The following LRRC28 variants were observed in gnomAD, a reference collection of about 807,000 sequenced individuals.
The protein encoded by LRRC28 is leucine rich repeat containing 28.
Under a neutral mutation model 45.7 loss-of-function variants are expected in LRRC28, and 39 were observed. The observed-to-expected ratio is 0.85, with a 90% confidence interval of 0.66 to 1.12. The LOEUF is 1.12. LRRC28 is among the 50% of genes most tolerant of loss of function. The pLI, the probability that LRRC28 is intolerant of heterozygous loss-of-function variation, is 0.00. For missense variants in LRRC28, 435 were observed against 438.5 expected (o/e 0.99, Z 0.07); for synonymous variants, 206 against 178.8 (o/e 1.15, Z -1.22).
intron 5 of LRRC28, among the ~76,000 whole-genome samples, chr15:99,289,615 A>C (rs2082054376): frequency 6.6e-6 from 1 of 152,224 alleles, no homozygotes; most frequent in Non-Finnish European, 1.5e-5. Flanking sequence ...TCTGGCCTTA[A>C]TATATAGATT....
At chr15:99,359,258 C>T (rs1957132993) in intron 7 of LRRC28, among the ~76,000 whole-genome samples, 1 of 152,022 alleles carries the variant, frequency 6.6e-6, no homozygotes, top group African/African-American at 2.4e-5. Flanking sequence ...GAACCATATG[C>T]AAAGTTAAAA....
At chr15:99,307,192 C>G (rs1955216211) in intron 5 of LRRC28, among the ~76,000 whole-genome samples, 1 of 152,138 alleles carries the variant, frequency 6.6e-6, no homozygotes, top group South Asian at 2.1e-4. Context: ...ATGAAGAATT[C>G]TAATACTTGG....
chr15:99,258,389 G>T, intron 2 of LRRC28: 1 of 1,059,972 alleles, frequency 9.4e-7, no homozygotes. Flanking sequence ...AAAAGCATTT[G>T]ATTACCTTGC....
intron 9 of LRRC28, among the ~76,000 whole-genome samples, chr15:99,371,253 G>T (rs1957476959): frequency 6.6e-6 from 1 of 152,184 alleles, no homozygotes; most frequent in South Asian, 2.1e-4. Flanking sequence ...TGCCAGCCGG[G>T]TGCTGTGGTA....
intron 6 of LRRC28, among the ~76,000 whole-genome samples, chr15:99,349,948 A>G (rs1364259088): frequency 1.3e-5 from 2 of 151,574 alleles, no homozygotes; most frequent in African/African-American, 4.9e-5. Context: ...CATCCTGGCT[A>G]ACAAGGTGAA....
intron 5 of LRRC28, among the ~76,000 whole-genome samples, chr15:99,333,137 G>C (rs1290427195): frequency 6.6e-6 from 1 of 152,134 alleles, no homozygotes; most frequent in Non-Finnish European, 1.5e-5. Context: ...TCCCTGAGAA[G>C]GACTAAGTTC....
In LRRC28 at chr15:99,363,152, G is replaced by C. The variant is rs1246312828; in HGVS notation, c.918G>C (p.Glu306Asp). 1 of 1,613,836 alleles carries C rather than the reference G, an allele frequency of 6.2e-7. No homozygotes were observed. Among genetic ancestry groups the C allele is most frequent in the African/African-American group, 1.3e-5 (1 of 74,922 alleles). ...SPISLPRSLL[E>D]LLHCPLGHCH... ...TCTCATTACCCAGAAGTCTCCTAGAGCTGCTGCACTGCCCTCTGGGGCACT... is the reference window on the plus strand; with the variant it reads ...TCTCATTACCCAGAAGTCTCCTAGACCTGCTGCACTGCCCTCTGGGGCACT... Residue 306 changes from glutamate to aspartate, a missense_variant, in exon 9 of 10, where the codon GAG becomes GAC. Coordinates refer to ENST00000301981, the MANE Select transcript of LRRC28 (RefSeq NM_144598.5).
rs1241332436 is a variant in LRRC28, at chr15:99,389,141, C to G, written c.*3039C>G. On this transcript the variant is annotated 3_prime_UTR_variant, in exon 10 of 10. Transcript: ENST00000301981. ...TGATGAACTTCTTTGTTACCTGACCCTTCTCTTCTGGAAAAGTGAGGTGTA... is the reference window on the plus strand; with the variant it reads ...TGATGAACTTCTTTGTTACCTGACCGTTCTCTTCTGGAAAAGTGAGGTGTA... The G allele has an allele frequency of 6.6e-6, 1 of 152,206 alleles. No homozygotes were observed. Among genetic ancestry groups the G allele is most frequent in the Non-Finnish European group, 1.5e-5 (1 of 68,042 alleles). The allele number at this position is 152,206 out of a possible 1,614,324, so 9.4% of individuals were successfully genotyped here.
chr15:99,368,855 T>C (rs1170701979), intron 9 of LRRC28, among the ~76,000 whole-genome samples: 1 of 152,232 alleles, frequency 6.6e-6, no homozygotes, highest in Non-Finnish European at 1.5e-5. Flanking sequence ...TTCCTTATGC[T>C]TAATAATAAT....
Position 99,251,500 on chromosome 15 carries a change from G to T in LRRC28, c.-102G>T, listed in dbSNP as rs1030166740. On this transcript the variant is annotated 5_prime_UTR_variant, in exon 1 of 10. Coordinates refer to ENST00000301981, the MANE Select transcript of LRRC28 (RefSeq NM_144598.5). ...CCCGCCGTCCCCCGCTTGGCTTCCA[G>T]CGCCGCTTGCGCTCCGGAGCGCTGG... 2.7e-5 allele frequency: 4 copies of T among 150,934 alleles called. No homozygotes were observed. Among genetic ancestry groups the T allele is most frequent in the Non-Finnish European group, 4.4e-5 (3 of 67,740 alleles). 9.3% of individuals were successfully genotyped at this position (150,934 alleles called of 1,614,324 possible). A position where few individuals can be genotyped will look rare whatever the true frequency, so the allele number is the denominator to read the frequency against.
In LRRC28 at chr15:99,256,055, A is replaced by C; in HGVS notation, c.98A>C (p.Glu33Ala). ...NYRNLHHFPLELLKDEGLQYL... is the reference protein window; with the variant it reads ...NYRNLHHFPLALLKDEGLQYL... ...AGGAATCTGCACCATTTTCCATTGG[A>C]GTTACTGAAAGATGAGGGACTGCAG... The change falls in exon 2 of 10, where the codon GAG becomes GCG. Residue 33 changes from glutamate to alanine, a missense_variant. Physicochemically the swap from Glu to Ala is moderately radical, Grantham distance 107. Coordinates refer to ENST00000301981, the MANE Select transcript of LRRC28 (RefSeq NM_144598.5). 1 of 1,613,918 alleles carries C rather than the reference A, an allele frequency of 6.2e-7. No homozygotes were observed. The highest frequency in any genetic ancestry group is 1.3e-5 in the African/African-American group (1 of 75,024).
chr15:99,324,428 A>G (rs1955902151), intron 5 of LRRC28, among the ~76,000 whole-genome samples: 2 of 152,126 alleles, frequency 1.3e-5, no homozygotes, highest in Admixed American at 6.6e-5. Context: ...ACTTAGAGCT[A>G]TTTTTAGTGG....
chr15:99,287,723 A>G (rs762240137), intron 4 of LRRC28, 91 bp from the exon 5 acceptor site: 3 of 1,357,868 alleles, frequency 2.2e-6, no homozygotes, highest in South Asian at 1.6e-5. Context: ...GAAATTAAGT[A>G]GTAAAATATT....
intron 6 of LRRC28, among the ~76,000 whole-genome samples, chr15:99,334,740 C>G (rs1397512943): frequency 6.6e-6 from 1 of 151,786 alleles, no homozygotes; most frequent in Non-Finnish European, 1.5e-5. Flanking sequence ...TTATAGATAG[C>G]TGAATAATTT....
chr15:99,268,499 T>G (rs1006803318), intron 2 of LRRC28, among the ~76,000 whole-genome samples: 1 of 152,192 alleles, frequency 6.6e-6, no homozygotes, highest in Non-Finnish European at 1.5e-5. Context: ...TATGTATGTT[T>G]CCACAAGTTT....
At chr15:99,283,859 C>G (rs547963459) in intron 3 of LRRC28, among the ~76,000 whole-genome samples, 1 of 152,144 alleles carries the variant, frequency 6.6e-6, no homozygotes, top group African/African-American at 2.4e-5. Flanking sequence ...ATTTCAACTA[C>G]TCTGAAATTA....
intron 5 of LRRC28, among the ~76,000 whole-genome samples, chr15:99,323,692 AAGTATTTATATTG>A (rs1332284973): frequency 6.6e-6 from 1 of 152,222 alleles, no homozygotes; most frequent in Non-Finnish European, 1.5e-5. Context: ...TCAATTACAG[AAGTATTTATATTG>A]AGTTTACATT....
chr15:99,377,657 A>G (rs749380235), intron 9 of LRRC28, among the ~76,000 whole-genome samples: 5 of 152,034 alleles, frequency 3.3e-5, no homozygotes, highest in African/African-American at 9.7e-5. Flanking sequence ...GTTTTCTTCT[A>G]GGGTTTTTAT....
intron 9 of LRRC28, among the ~76,000 whole-genome samples, chr15:99,371,137 C>A (rs2152333378): frequency 6.6e-6 from 1 of 152,192 alleles, no homozygotes; most frequent in East Asian, 1.9e-4. Flanking sequence ...ATGCCAATGG[C>A]TTCTTGTAAA....
Sources: allele counts gnomAD v4.1 joint callset (sites outside exome capture counted in the v4.1 genomes callset), GRCh38; gene constraint gnomAD v4.1.1; transcripts MANE v1.5; gene names NCBI Gene and HGNC (gene_info 2026-07-23, HGNC 2026-07-21).